Variants in VSTM4 observed in about 807,000 individuals in gnomAD.
VSTM4 encodes the protein V-set and transmembrane domain containing 4, also known as V-set and transmembrane domain-containing protein 4.
VSTM4 carries 20 observed loss-of-function variants against 36.4 expected under a neutral mutation model. That is an observed-to-expected ratio of 0.55 (90% confidence interval 0.39 to 0.80). The LOEUF (loss-of-function observed/expected upper bound fraction) is 0.80. VSTM4 is among the 30% of genes least tolerant of loss of function. The probability of loss-of-function intolerance (pLI) is 0.00; values close to 1 mark genes in which losing one functional copy is unlikely to be tolerated. For synonymous variants in VSTM4, 182 were observed against 173.9 expected (o/e 1.05, Z -0.37); for missense variants, 392 against 404.5 (o/e 0.97, Z 0.26).
In VSTM4 at chr10:49,077,185, C is replaced by T. The variant is rs757889797; in HGVS notation, c.634+34G>A. On this transcript the variant is annotated intron_variant, in intron 4 of 7. Coordinates refer to ENST00000332853, the MANE Select transcript of VSTM4 (RefSeq NM_001031746.5). ...CGCCCGTCTGTGGTCGGGGTGTGCTCCCATCCCAGACATGACCTTATCTGT... is the reference window on the plus strand; with the variant it reads ...CGCCCGTCTGTGGTCGGGGTGTGCTTCCATCCCAGACATGACCTTATCTGT... The T allele has an allele frequency of 4.4e-6, 7 of 1,605,678 alleles. No individual in the cohort carries two copies. The South Asian group carries it at 7.7e-5, about 18-fold the overall frequency.
rs149894527 is a variant in VSTM4 at position 49,075,059 on chromosome 10, T to C, written c.634+2160A>G. Among the ~76,000 whole-genome samples the C allele has an allele frequency of 7.9e-3, 1,197 of 152,282 alleles. 18 individuals are homozygous for C. The highest frequency in any genetic ancestry group is 0.028 in the African/African-American group (1,150 of 41,562). ...GTGCTCAGACAACGCTCTGGACAGC[T>C]GTGGTTTGGGGAGGGTTTTCAGGCA... On this transcript the variant is annotated intron_variant, in intron 4 of 7. Transcript: ENST00000332853.
intron 7 of VSTM4, among the ~76,000 whole-genome samples, chr10:49,038,551 A>G (rs369128771): frequency 6.6e-6 from 1 of 152,158 alleles, no homozygotes; most frequent in South Asian, 2.1e-4. Context: ...AGTGTTTCAC[A>G]TGACTGAATT....
chr10:49,096,626 T>TGG (rs1320735474), intron 2 of VSTM4, among the ~76,000 whole-genome samples: 2 of 120,374 alleles, frequency 1.7e-5, no homozygotes, highest in Non-Finnish European at 3.7e-5. Context: ...GAAGACCGTG[T>TGG]GTGTGTGTGT....
chr10:49,079,768 C>A (rs1431920629), intron 3 of VSTM4, among the ~76,000 whole-genome samples: 1 of 151,640 alleles, frequency 6.6e-6, no homozygotes, highest in Non-Finnish European at 1.5e-5. Context: ...AGTTCTGCAC[C>A]GAGTTGTATT....
chr10:49,093,057 T>G (rs1327744318), intron 2 of VSTM4, among the ~76,000 whole-genome samples: 2 of 152,124 alleles, frequency 1.3e-5, no homozygotes, highest in Non-Finnish European at 2.9e-5. Context: ...GAATAAGATA[T>G]TCTCCAAGCG....
intron 7 of VSTM4, among the ~76,000 whole-genome samples, chr10:49,044,687 C>T (rs1479037316): frequency 6.6e-6 from 1 of 152,180 alleles, no homozygotes; most frequent in Non-Finnish European, 1.5e-5. Flanking sequence ...TATCTTTAAA[C>T]AGAATAGAAG....
At chr10:49,077,448 T>C (rs1844200341) in intron 3 of VSTM4, 122 bp from the exon 4 acceptor site, 1 of 838,938 alleles carries the variant, frequency 1.2e-6, no homozygotes, top group Non-Finnish European at 1.9e-6. Context: ...CAAGGCAGTG[T>C]GGTATTGGTG....
chr10:49,068,431 A>G (rs1844012793), intron 4 of VSTM4, among the ~76,000 whole-genome samples: 2 of 152,148 alleles, frequency 1.3e-5, no homozygotes. Context: ...CAGGAGCCCG[A>G]TGAGGCCAGA....
intron 5 of VSTM4, among the ~76,000 whole-genome samples, chr10:49,059,114 T>C (rs1843831727): frequency 6.6e-6 from 1 of 152,228 alleles, no homozygotes; most frequent in Non-Finnish European, 1.5e-5. Context: ...CAGTCTGGGC[T>C]GCACTAAGTC....
chr10:49,104,862 G>A (rs1029517065), intron 2 of VSTM4, among the ~76,000 whole-genome samples: 28 of 148,674 alleles, frequency 1.9e-4, no homozygotes, highest in African/African-American at 7.1e-4. Flanking sequence ...GACACACACG[G>A]AGAGAGAAAG....
Position 49,115,432 on chromosome 10 carries a change from C to G in VSTM4, c.54G>C (p.Pro18=). The G allele has an allele frequency of 9.6e-7, 1 of 1,042,768 alleles. No homozygotes were observed. The allele number at this position is 1,042,768 out of a possible 1,614,324, so 64.6% of individuals were successfully genotyped here. A position where few individuals can be genotyped will look rare whatever the true frequency, so the allele number is the denominator to read the frequency against. Residue 18 remains proline (P), a splice_region_variant and synonymous_variant, in exon 1 of 8, where the codon CCG becomes CCC. Transcript: ENST00000332853. ...AAALLARAPA[P]EVCAALNVTV... Reference sequence around the variant, plus strand: ...CCCGCCTGGCCCCGCCGCGCTTACCCGGAGCCGGAGCCCGCGCCAGCAGCG... The same window carrying G: ...CCCGCCTGGCCCCGCCGCGCTTACCGGGAGCCGGAGCCCGCGCCAGCAGCG...
chr10:49,070,318 A>ATACTGT (rs2131984355), intron 4 of VSTM4, among the ~76,000 whole-genome samples: 1 of 150,518 alleles, frequency 6.6e-6, no homozygotes, highest in Non-Finnish European at 1.5e-5. Flanking sequence ...TTATTTGTTG[A>ATACTGT]TACTGTTGGA....
Position 49,019,740 on chromosome 10 carries a change from T to C in VSTM4, c.873A>G (p.Glu291=), listed in dbSNP as rs1913525. ...KIAEENLTYA[E]LELIKPHRAA... ...CCCGGTGGGGTTTGATCAGCTCCAG[T>C]TCGGCATAGGTTAAGTTTTCCTCAG... is the stretch of plus-strand genomic sequence containing the variant. Residue 291 remains glutamate, a synonymous_variant, in exon 8 of 8, where the codon GAA becomes GAG. Transcript: ENST00000332853. 1,598,248 of 1,613,930 alleles carry C rather than the reference T, an allele frequency of 0.99. 792,638 individuals are homozygous for C. The highest frequency in any genetic ancestry group is 1 in the East Asian group (44,870 of 44,870).
intron 4 of VSTM4, among the ~76,000 whole-genome samples, chr10:49,071,021 A>G (rs1416397208): frequency 1.3e-5 from 2 of 152,234 alleles, no homozygotes; most frequent in Admixed American, 1.3e-4. Context: ...TGGAAGGAAC[A>G]GCCACAGGCC....
chr10:49,055,454 T>A (rs1000974614), intron 5 of VSTM4, among the ~76,000 whole-genome samples: 13 of 152,288 alleles, frequency 8.5e-5, no homozygotes, highest in African/African-American at 3.1e-4. Context: ...ATGTGCAGAA[T>A]CTTGAAGGAG....
chr10:49,036,860 C>T (rs896748276), intron 7 of VSTM4, among the ~76,000 whole-genome samples: 7 of 152,176 alleles, frequency 4.6e-5, no homozygotes, highest in African/African-American at 1.7e-4. Flanking sequence ...CGGCAGGGTC[C>T]CTCTGAACAA....
intron 1 of VSTM4, among the ~76,000 whole-genome samples, chr10:49,113,424 G>A (rs1271721782): frequency 1.3e-5 from 2 of 152,124 alleles, no homozygotes; most frequent in African/African-American, 2.4e-5. Flanking sequence ...TACCTGCCGG[G>A]TACAAACTCT....
At chr10:49,111,440 T>C (rs887520854) in intron 1 of VSTM4, among the ~76,000 whole-genome samples, 2 of 152,038 alleles carry the variant, frequency 1.3e-5, no homozygotes, top group Non-Finnish European at 2.9e-5. Flanking sequence ...TGAATGACAG[T>C]CCATGCATGC....
In VSTM4 at chr10:49,057,369, C is replaced by G. The variant is rs1261676592; in HGVS notation, c.668+7334G>C. Among the ~76,000 whole-genome samples the G allele has an allele frequency of 2.0e-5, 3 of 152,214 alleles. No individual in the cohort carries two copies. In the South Asian group the frequency reaches 6.2e-4, roughly 31 times the overall value. On this transcript the variant is annotated intron_variant, in intron 5 of 7. Transcript: ENST00000332853. ...GACATAAATCCAGTAAAGAGCTGGG[C>G]TGCACCAGTCTACGACCACTGTTCT... is the stretch of plus-strand genomic sequence containing the variant.
Sources: gnomAD v4.1 joint callset for allele counts (sites outside exome capture counted in the v4.1 genomes callset) on GRCh38, gnomAD v4.1.1 for gene constraint, MANE v1.5 for transcripts, NCBI Gene and HGNC (gene_info 2026-07-23, HGNC 2026-07-21) for gene names.